Variants in FAM110C observed in about 807,000 individuals in gnomAD.
FAM110C encodes family with sequence similarity 110 member C.
FAM110C carries 19 observed loss-of-function variants against 15.7 expected under a neutral mutation model. That is an observed-to-expected ratio of 1.21 (90% CI 0.85 to 1.78). The LOEUF (loss-of-function observed/expected upper bound fraction) is 1.78, where lower values mean the gene tolerates loss of function less well. Among genes scored for constraint, FAM110C ranks in the 40% most tolerant of loss-of-function variants. FAM110C has a pLI of 0.00. For synonymous variants in FAM110C, 275 were observed against 233.9 expected, an observed-to-expected ratio of 1.18 and a Z score of -1.61; for missense variants, 547 against 495.7, an observed-to-expected ratio of 1.10 and a Z score of -0.98.
rs1664123610 is a variant in FAM110C, at chr2:41,486, A to G, written c.*122T>C. 10 of 1,119,900 alleles carry G rather than the reference A, an allele frequency of 8.9e-6. No individual in the cohort carries two copies. The highest frequency in any genetic ancestry group is 1.3e-5 in the Non-Finnish European group (10 of 768,666). 69.4% of individuals were successfully genotyped at this position (1,119,900 alleles called of 1,614,324 possible). A position where few individuals can be genotyped will look rare whatever the true frequency, so the allele number is the denominator to read the frequency against. ...GTAGTATTTTAAACCTTCTCAGAGCACTTGTTTTGTCAATGGGATGCTGCA... is the reference window on the plus strand; with the variant it reads ...GTAGTATTTTAAACCTTCTCAGAGCGCTTGTTTTGTCAATGGGATGCTGCA... On this transcript the variant is annotated 3_prime_UTR_variant, in exon 2 of 2. Transcript: ENST00000327669.
At position 45,470 on chromosome 2, in the gene FAM110C, T is replaced by A; in HGVS notation, c.916A>T (p.Thr306Ser). Reference protein sequence around the residue: ...WLYTCKKAKETPSQEQSRTRG... With the variant: ...WLYTCKKAKESPSQEQSRTRG... Reference sequence around the variant, plus strand: ...GTCCGGCTCTGCTCCTGGCTGGGGGTCTCCTTGGCCTTCTTACAGGTGTAC... The same window carrying A: ...GTCCGGCTCTGCTCCTGGCTGGGGGACTCCTTGGCCTTCTTACAGGTGTAC... The change falls in exon 1 of 2, where the codon ACC becomes TCC. Residue 306 changes from threonine to serine, a missense_variant. By Grantham distance (58) the Thr-to-Ser change is moderately conservative (BLOSUM62 1). Transcript: ENST00000327669. 1 of 1,612,246 alleles carries A rather than the reference T, an allele frequency of 6.2e-7. No homozygotes were observed. Among genetic ancestry groups the A allele is most frequent in the South Asian group, 1.1e-5 (1 of 90,968 alleles).
rs1025179658 is a variant in FAM110C, at chr2:45,442, C to A, written c.944G>T (p.Arg315Leu). ...CCCCCAGCCTTCTGGGCACACACCT[C>A]GGGTCCGGCTCTGCTCCTGGCTGGG... is the stretch of plus-strand genomic sequence containing the variant. Reference protein sequence around the residue: ...ETPSQEQSRTRGSKPSR With the variant: ...ETPSQEQSRTLGSKPSR Residue 315 changes from arginine to leucine, a missense_variant and splice_region_variant, in exon 1 of 2, where the codon CGA becomes CTA. By Grantham distance (102) the Arg-to-Leu change is moderately radical. Coordinates refer to ENST00000327669, the MANE Select transcript of FAM110C (RefSeq NM_001077710.3). The A allele has an allele frequency of 1.9e-6, 3 of 1,606,364 alleles. No individual in the cohort carries two copies. Among genetic ancestry groups the A allele is most frequent in the Non-Finnish European group, 2.6e-6 (3 of 1,174,920 alleles).
In FAM110C at chr2:46,325, CG is replaced by C; in HGVS notation, c.60del (p.Ala21ArgfsTer75). 7.6e-7 allele frequency: 1 copy of C among 1,320,466 alleles called. No individual in the cohort carries two copies. The highest frequency in any genetic ancestry group is 9.6e-7 in the Non-Finnish European group (1 of 1,041,676). 81.8% of individuals were successfully genotyped at this position (1,320,466 alleles called of 1,614,324 possible). ...GCGGCGTCGGGGTCCCGGGTAGCCG[CG>C]GGGTCCCGGGGAAGGAGCCGCTCGT... is the stretch of plus-strand genomic sequence containing the variant. The part of the protein sequence containing the change: ...PPNERLLPRD[P>X]AATRDPDAAR... On this transcript the variant is annotated frameshift_variant, in exon 1 of 2. Coordinates refer to ENST00000327669, the MANE Select transcript of FAM110C (RefSeq NM_001077710.3). LOFTEE classifies it high-confidence loss of function.
At position 43,922 on chromosome 2, in the gene FAM110C, G is replaced by A. The variant is rs186623128; in HGVS notation, c.946+1518C>T. 710 of 985,290 alleles carry A rather than the reference G, an allele frequency of 7.2e-4. 5 individuals are homozygous for A. In the African/African-American group the frequency reaches 0.011, roughly 16 times the overall value. The allele number at this position is 985,290 out of a possible 1,614,324, so 61.0% of individuals were successfully genotyped here. A position where few individuals can be genotyped will look rare whatever the true frequency, so the allele number is the denominator to read the frequency against. Reference sequence around the variant, plus strand: ...AAAATGTAGAGGTTGAAAACCATCCGCCTATCTCCCTTCTTTTTATGGACA... The same window carrying A: ...AAAATGTAGAGGTTGAAAACCATCCACCTATCTCCCTTCTTTTTATGGACA... On this transcript the variant is annotated intron_variant, in intron 1 of 1. Transcript: ENST00000327669.
chr2:46,241 G>T lies in FAM110C; in HGVS notation c.145C>A (p.Arg49=). Residue 49 remains arginine (R), a synonymous_variant, in exon 1 of 2, where the codon CGG becomes AGG. Coordinates refer to ENST00000327669, the MANE Select transcript of FAM110C (RefSeq NM_001077710.3). ...CCCCGGCCAGTCCCCGGCCGACCCC[G>T]CACATACTTGGCGCGATCCGCCGCC... ...RLAADRAKYV[R]GRPGTGRGVA... The T allele has an allele frequency of 2.1e-6, 3 of 1,413,514 alleles. No homozygotes were observed. Among genetic ancestry groups the T allele is most frequent in the Non-Finnish European group, 2.8e-6 (3 of 1,087,910 alleles). 87.6% of individuals were successfully genotyped at this position (1,413,514 alleles called of 1,614,324 possible).
chr2:42,346 A>G (rs1025865876), intron 1 of FAM110C: 20 of 979,272 alleles, frequency 2.0e-5, no homozygotes, highest in Non-Finnish European at 3.6e-6. Flanking sequence ...AAATTAAGCA[A>G]TGTTTTATGC....
chr2:42,567 C>G (rs1664153950), intron 1 of FAM110C, among the ~76,000 whole-genome samples: 1 of 152,206 alleles, frequency 6.6e-6, no homozygotes, highest in Non-Finnish European at 1.5e-5. Context: ...TACCCATGTA[C>G]AACCAACTAC....
At chr2:41,712 G>T in intron 1 of FAM110C, 85 bp from the exon 2 acceptor site, 1 of 1,494,088 alleles carries the variant, frequency 6.7e-7, no homozygotes, top group Non-Finnish European at 8.9e-7. Context: ...TACTGGTCTG[G>T]TCCCTGTAGT....
rs1664146514 is a variant in FAM110C, at chr2:42,248, C to T, written c.947-621G>A. ...GACACAACTCTGTTCCAGGAGCTTT[C>T]GATGCGCTTCTACAGGTATTTCTTT... On this transcript the variant is annotated intron_variant, in intron 1 of 1. Coordinates refer to ENST00000327669, the MANE Select transcript of FAM110C (RefSeq NM_001077710.3). The T allele has an allele frequency of 1.0e-5, 10 of 985,256 alleles. No homozygotes were observed. The Admixed American group carries it at 1.8e-4, about 18-fold the overall frequency. 61.0% of individuals were successfully genotyped at this position (985,256 alleles called of 1,614,324 possible). A position where few individuals can be genotyped will look rare whatever the true frequency, so the allele number is the denominator to read the frequency against.
At position 38,999 on chromosome 2, in the gene FAM110C, G is replaced by A. The variant is rs1428440254; in HGVS notation, c.*2609C>T. The A allele has an allele frequency of 7.0e-6, 1 of 142,788 alleles. No homozygotes were observed. The highest frequency in any genetic ancestry group is 7.1e-5 in the Admixed American group (1 of 14,140). 8.8% of individuals were successfully genotyped at this position (142,788 alleles called of 1,614,324 possible). A position where few individuals can be genotyped will look rare whatever the true frequency, so the allele number is the denominator to read the frequency against. Reference sequence around the variant, plus strand: ...GAACTTTGAACCAACTGAAAAAGGGGAATGTTCAATAAAGCCTCCTTTTTC... The same window carrying A: ...GAACTTTGAACCAACTGAAAAAGGGAAATGTTCAATAAAGCCTCCTTTTTC... On this transcript the variant is annotated 3_prime_UTR_variant, in exon 2 of 2. Transcript: ENST00000327669.
Position 46,241 on chromosome 2 carries a change from G to A in FAM110C, c.145C>T (p.Arg49Trp), listed in dbSNP as rs986801248. The change falls in exon 1 of 2, where the codon CGG (arginine) becomes TGG (tryptophan). Residue 49 changes from arginine (R) to tryptophan (W), a missense_variant. Physicochemically the swap from Arg to Trp is moderately radical, Grantham distance 101. Coordinates refer to ENST00000327669, the MANE Select transcript of FAM110C (RefSeq NM_001077710.3). ...RLAADRAKYV[R>W]GRPGTGRGVA... ...CCCCGGCCAGTCCCCGGCCGACCCC[G>A]CACATACTTGGCGCGATCCGCCGCC... 96 of 1,413,410 alleles carry A rather than the reference G, an allele frequency of 6.8e-5. No homozygotes were observed. Among genetic ancestry groups the A allele is most frequent in the Non-Finnish European group, 8.7e-5 (95 of 1,087,922 alleles). 87.6% of individuals were successfully genotyped at this position (1,413,410 alleles called of 1,614,324 possible).
At chr2:44,172 T>C (rs1664211699) in intron 1 of FAM110C, 2 of 985,336 alleles carry the variant, frequency 2.0e-6, no homozygotes, top group Admixed American at 1.2e-4. Context: ...TTTGTTTGCT[T>C]TTTAGAACTT....
At chr2:45,092 G>A (rs1664237825) in intron 1 of FAM110C, 2 of 985,282 alleles carry the variant, frequency 2.0e-6, no homozygotes, top group East Asian at 1.1e-4. Flanking sequence ...AAGAATACTA[G>A]GGGTGTAAAA....
In FAM110C at chr2:46,493, A is replaced by G; in HGVS notation, c.-108T>C. 1.2e-6 allele frequency: 1 copy of G among 868,332 alleles called. No homozygotes were observed. The highest frequency in any genetic ancestry group is 1.5e-6 in the Non-Finnish European group (1 of 653,040). The allele number at this position is 868,332 out of a possible 1,614,324, so 53.8% of individuals were successfully genotyped here. A position where few individuals can be genotyped will look rare whatever the true frequency, so the allele number is the denominator to read the frequency against. On this transcript the variant is annotated 5_prime_UTR_variant, in exon 1 of 2. Coordinates refer to ENST00000327669, the MANE Select transcript of FAM110C (RefSeq NM_001077710.3). Reference sequence around the variant, plus strand: ...TTCCGAAGTCCGCGCCGGGTGGGGAACGGCGCCCCAGTGCCCAGCTGCCCA... The same window carrying G: ...TTCCGAAGTCCGCGCCGGGTGGGGAGCGGCGCCCCAGTGCCCAGCTGCCCA...
Position 45,811 on chromosome 2 carries a change from A to G in FAM110C, c.575T>C (p.Val192Ala), listed in dbSNP as rs1371485408. The G allele has an allele frequency of 3.9e-6, 6 of 1,546,916 alleles. No individual in the cohort carries two copies. Among genetic ancestry groups the G allele is most frequent in the Non-Finnish European group, 5.2e-6 (6 of 1,150,030 alleles). Residue 192 changes from valine (V) to alanine (A), a missense_variant, in exon 1 of 2, where the codon GTG (valine) becomes GCG (alanine). Transcript: ENST00000327669. ...AAPPGPEPRV[V>A]RRRGLQRSQS... ...TGAGCGCTGCAGCCCCCGACGCCTC[A>G]CCACCCGCGGCTCTGGCCCAGGGGG...
Position 46,014 on chromosome 2 carries a change from C to A in FAM110C, c.372G>T (p.Lys124Asn). ...CCTTACCCGGCCCCTGGAAGAGCTT[C>A]TTCACCAGGCTTGCCCTGGGGCCGT... ...GADGPRASLV[K>N]KLFQGPGKDK... The change falls in exon 1 of 2, where the codon AAG becomes AAT. Residue 124 changes from lysine (K) to asparagine (N), a missense_variant. Lys to Asn is a moderately conservative substitution (Grantham distance 94). Transcript: ENST00000327669. The A allele has an allele frequency of 1.3e-6, 2 of 1,482,170 alleles. No homozygotes were observed. Among genetic ancestry groups the A allele is most frequent in the Non-Finnish European group, 8.9e-7 (1 of 1,123,394 alleles). The allele number at this position is 1,482,170 out of a possible 1,614,324, so 91.8% of individuals were successfully genotyped here. A position where few individuals can be genotyped will look rare whatever the true frequency, so the allele number is the denominator to read the frequency against.
intron 1 of FAM110C, chr2:42,369 A>C: frequency 1.1e-6 from 1 of 950,456 alleles, no homozygotes; most frequent in South Asian, 4.9e-5. Context: ...AATTTCCCAA[A>C]GGACAAGTTA....
intron 1 of FAM110C, chr2:42,664 C>A (rs1009338835): frequency 1.4e-5 from 4 of 277,868 alleles, no homozygotes; most frequent in Non-Finnish European, 2.2e-5. Context: ...AAGCAATTAT[C>A]TTTACCCCAT....
intron 1 of FAM110C, chr2:42,415 C>G (rs1418309805): frequency 3.0e-5 from 20 of 662,830 alleles, no homozygotes; most frequent in Non-Finnish European, 3.5e-5. Flanking sequence ...CTTATATATT[C>G]TACGCAAAAC....
Sources: gnomAD v4.1 joint callset for allele counts (sites outside exome capture counted in the v4.1 genomes callset) on GRCh38, gnomAD v4.1.1 for gene constraint, MANE v1.5 for transcripts, NCBI Gene and HGNC (gene_info 2026-07-23, HGNC 2026-07-21) for gene names.